Variants in SCFD2 observed in about 807,000 individuals in gnomAD.
SCFD2 encodes the protein sec1 family domain containing 2.
Under a neutral mutation model 58.9 loss-of-function variants are expected in SCFD2, and 54 were observed. The observed-to-expected ratio is 0.92, with a 90% confidence interval of 0.74 to 1.15. SCFD2 has a LOEUF of 1.15. Among genes scored for constraint, SCFD2 ranks in the 50% most tolerant of loss-of-function variants. The pLI is 0.00. For synonymous variants in SCFD2, 321 were observed against 335.9 expected (o/e 0.96, Z 0.49); for missense variants, 805 against 836.6 (o/e 0.96, Z 0.47).
At chr4:53,290,559 A>G (rs1287199790) in intron 3 of SCFD2, among the ~76,000 whole-genome samples, 1 of 152,118 alleles carries the variant, frequency 6.6e-6, no homozygotes, top group African/African-American at 2.4e-5. Context: ...ACCTCAAGTA[A>G]CCAGTTAAAG....
intron 1 of SCFD2, among the ~76,000 whole-genome samples, chr4:53,362,462 T>C (rs1317758520): frequency 1.3e-5 from 2 of 152,236 alleles, no homozygotes; most frequent in African/African-American, 4.8e-5. Flanking sequence ...TGCTTGTCTG[T>C]ATAGGTTTCA....
Position 52,873,286 on chromosome 4 carries a change from A to G in SCFD2, c.*683T>C, listed in dbSNP as rs1354717084. On this transcript the variant is annotated 3_prime_UTR_variant, in exon 9 of 9. Coordinates refer to ENST00000401642, the MANE Select transcript of SCFD2 (RefSeq NM_152540.4). ...CTTTGGAGGGGAGAAAACCTTTTAT[A>G]TACAGATAACCCTCCAATCAACCAC... 1 of 152,220 alleles carries G rather than the reference A, an allele frequency of 6.6e-6. No individual in the cohort carries two copies. Among genetic ancestry groups the G allele is most frequent in the Non-Finnish European group, 1.5e-5 (1 of 68,050 alleles). 9.4% of individuals were successfully genotyped at this position (152,220 alleles called of 1,614,324 possible). A position where few individuals can be genotyped will look rare whatever the true frequency, so the allele number is the denominator to read the frequency against.
intron 5 of SCFD2, among the ~76,000 whole-genome samples, chr4:52,999,239 G>A (rs76061164): frequency 0.016 from 2,403 of 152,220 alleles, 68 homozygotes; most frequent in African/African-American, 0.054. Flanking sequence ...CCAATCAATT[G>A]CTTTGACTCC....
At chr4:53,220,434 G>A (rs1182789171) in intron 4 of SCFD2, among the ~76,000 whole-genome samples, 1 of 152,124 alleles carries the variant, frequency 6.6e-6, no homozygotes, top group East Asian at 1.9e-4. Flanking sequence ...CCTACCACAT[G>A]GAACAATTGA....
intron 5 of SCFD2, among the ~76,000 whole-genome samples, chr4:53,050,239 C>A (rs1251815824): frequency 6.6e-6 from 1 of 152,160 alleles, no homozygotes; most frequent in Non-Finnish European, 1.5e-5. Flanking sequence ...ATATCTTATT[C>A]CCCCAATAAT....
At chr4:53,256,771 A>T (rs1171037751) in intron 4 of SCFD2, among the ~76,000 whole-genome samples, 1 of 151,652 alleles carries the variant, frequency 6.6e-6, no homozygotes, top group Non-Finnish European at 1.5e-5. Context: ...AGGCTGAGGC[A>T]GGAGAATCAG....
chr4:53,180,209 C>T (rs1655103903), intron 4 of SCFD2, among the ~76,000 whole-genome samples: 1 of 152,162 alleles, frequency 6.6e-6, no homozygotes, highest in African/African-American at 2.4e-5. Context: ...TTCTTTTCAG[C>T]ACCACAACAC....
intron 2 of SCFD2, among the ~76,000 whole-genome samples, chr4:53,349,624 A>T (rs1423445189): frequency 6.6e-6 from 1 of 152,258 alleles, no homozygotes; most frequent in Non-Finnish European, 1.5e-5. Flanking sequence ...GGGAAATGAG[A>T]TTCCAAGATT....
At chr4:53,232,455 C>T (rs1729468934) in intron 4 of SCFD2, among the ~76,000 whole-genome samples, 1 of 152,026 alleles carries the variant, frequency 6.6e-6, no homozygotes, top group Admixed American at 6.6e-5. Flanking sequence ...GACAAAAAAA[C>T]AAGACTAGTA....
At chr4:53,296,796 C>A (rs1187769065) in intron 3 of SCFD2, among the ~76,000 whole-genome samples, 4 of 152,176 alleles carry the variant, frequency 2.6e-5, no homozygotes, top group African/African-American at 9.6e-5. Flanking sequence ...TTTCCCTCTG[C>A]ACACTGCTTT....
At chr4:52,970,794 G>A (rs541757002) in intron 5 of SCFD2, among the ~76,000 whole-genome samples, 3 of 152,300 alleles carry the variant, frequency 2.0e-5, no homozygotes, top group Non-Finnish European at 2.9e-5. Flanking sequence ...CACCTCACAC[G>A]GCCGGGTACT....
chr4:53,066,724 C>G (rs1013971756), intron 5 of SCFD2, among the ~76,000 whole-genome samples: 3 of 152,006 alleles, frequency 2.0e-5, no homozygotes, highest in Admixed American at 6.6e-5. Context: ...GCCTATTTCA[C>G]GCCAACTCAT....
chr4:53,283,068 C>A (rs953637115), intron 3 of SCFD2, among the ~76,000 whole-genome samples: 2 of 152,100 alleles, frequency 1.3e-5, no homozygotes, highest in Non-Finnish European at 2.9e-5. Context: ...CTTAAATATA[C>A]GGTTCAAATA....
Position 53,352,587 on chromosome 4 carries a change from A to G in SCFD2, c.1007+11T>C, listed in dbSNP as rs1734256072. On this transcript the variant is annotated intron_variant, in intron 2 of 8. Coordinates refer to ENST00000401642, the MANE Select transcript of SCFD2 (RefSeq NM_152540.4). ...AGAGAAAGATAAGATGACAAAAACT[A>G]TATATCTTACCTGGATTGTGAAAGA... is the stretch of plus-strand genomic sequence containing the variant. 1.2e-6 allele frequency: 2 copies of G among 1,601,662 alleles called. No homozygotes were observed. Among genetic ancestry groups the G allele is most frequent in the Admixed American group, 1.7e-5 (1 of 59,734 alleles).
intron 7 of SCFD2, among the ~76,000 whole-genome samples, chr4:52,900,425 G>C (rs903061983): frequency 6.6e-6 from 1 of 152,122 alleles, no homozygotes; most frequent in Non-Finnish European, 1.5e-5. Context: ...CTGTTTGCCT[G>C]GGTATGAGCA....
intron 5 of SCFD2, among the ~76,000 whole-genome samples, chr4:53,060,986 A>T (rs932876868): frequency 5.3e-5 from 8 of 152,206 alleles, no homozygotes; most frequent in African/African-American, 1.9e-4. Context: ...TTTCTTGTGA[A>T]TTACAAAAAT....
chr4:53,236,240 G>A (rs4864736), intron 4 of SCFD2, among the ~76,000 whole-genome samples: 23,839 of 152,066 alleles, frequency 0.16, 2,398 homozygotes, highest in Admixed American at 0.24. Flanking sequence ...CATGCTGGAA[G>A]CTTCTTGCCC....
intron 4 of SCFD2, among the ~76,000 whole-genome samples, chr4:53,204,790 A>G (rs1424941237): frequency 1.3e-5 from 2 of 150,290 alleles, no homozygotes; most frequent in Non-Finnish European, 3.0e-5. Context: ...TAGATCCTAT[A>G]AGCTTCCATA....
At chr4:53,122,290 T>C (rs991362146) in intron 5 of SCFD2, among the ~76,000 whole-genome samples, 1 of 152,014 alleles carries the variant, frequency 6.6e-6, no homozygotes, top group African/African-American at 2.4e-5. Context: ...GAAAGGAGAA[T>C]TGCTTGAACT....
Sources: gnomAD v4.1 joint callset for allele counts (sites outside exome capture counted in the v4.1 genomes callset) on GRCh38, gnomAD v4.1.1 for gene constraint, MANE v1.5 for transcripts, NCBI Gene and HGNC (gene_info 2026-07-23, HGNC 2026-07-21) for gene names.